IGF2BP3: variants seen among roughly 807,000 people sequenced by gnomAD.
The protein encoded by IGF2BP3 is insulin like growth factor 2 mRNA binding protein 3.
In IGF2BP3, 9 loss-of-function variants were observed where a neutral mutation model predicts 73.8. The ratio of observed to expected loss-of-function variants is 0.12; its 90% CI spans 0.07 to 0.21. The LOEUF (loss-of-function observed/expected upper bound fraction) is 0.21. Among genes scored for constraint, IGF2BP3 ranks in the 10% least tolerant of loss-of-function variants. IGF2BP3 has a pLI of 1.00. For missense variants in IGF2BP3, 542 were observed against 714.0 expected, an observed-to-expected ratio of 0.76 and a Z score of 2.75; for synonymous variants, 258 against 256.7, an observed-to-expected ratio of 1.01 and a Z score of -0.05.
chr7:23,422,441 G>A (rs1393823649), intron 2 of IGF2BP3, among the ~76,000 whole-genome samples: 2 of 152,134 alleles, frequency 1.3e-5, no homozygotes, highest in African/African-American at 4.8e-5. Flanking sequence ...CGTAGTCCTA[G>A]ATACTCAGGA....
At chr7:23,436,784 G>A (rs1318518923) in intron 2 of IGF2BP3, among the ~76,000 whole-genome samples, 2 of 152,136 alleles carry the variant, frequency 1.3e-5, no homozygotes, top group African/African-American at 2.4e-5. Flanking sequence ...AAGTACATTT[G>A]GATTTATTTT....
intron 10 of IGF2BP3, among the ~76,000 whole-genome samples, chr7:23,332,510 G>A (rs1286686285): frequency 1.3e-5 from 2 of 152,180 alleles, no homozygotes; most frequent in African/African-American, 4.8e-5. Context: ...AAGAAGACTT[G>A]CCTTCCTACT....
chr7:23,402,958 T>A (rs1383215941), intron 3 of IGF2BP3, among the ~76,000 whole-genome samples: 1 of 152,188 alleles, frequency 6.6e-6, no homozygotes, highest in Admixed American at 6.5e-5. Flanking sequence ...TACTAATATT[T>A]GATAGTCACA....
At chr7:23,372,451 A>G (rs1033882449) in intron 3 of IGF2BP3, among the ~76,000 whole-genome samples, 3 of 152,126 alleles carry the variant, frequency 2.0e-5, no homozygotes, top group Non-Finnish European at 4.4e-5. Flanking sequence ...TGTACCCAAC[A>G]TGTACTCTTT....
intron 3 of IGF2BP3, among the ~76,000 whole-genome samples, chr7:23,387,762 T>C (rs908544469): frequency 2.6e-5 from 4 of 152,148 alleles, no homozygotes; most frequent in Admixed American, 6.6e-5. Context: ...TGTGAATATC[T>C]CAATAAAGTT....
intron 3 of IGF2BP3, among the ~76,000 whole-genome samples, chr7:23,392,560 G>C (rs1446582847): frequency 6.6e-6 from 1 of 151,082 alleles, no homozygotes; most frequent in Non-Finnish European, 1.5e-5. Context: ...AACTATTAAT[G>C]ATAGTTAACT....
chr7:23,355,583 C>T lies in IGF2BP3; in HGVS notation c.402-3997G>A, dbSNP rs566609993. On this transcript the variant is annotated intron_variant, in intron 5 of 14. Coordinates refer to ENST00000258729, the MANE Select transcript of IGF2BP3 (RefSeq NM_006547.3). ...TTGCTCTTGGTGCTATTTTAAGGGT[C>T]GCTGAGAAGATGATGAGTAATTTTG... Among the ~76,000 whole-genome samples, 49 of 152,064 alleles carry T rather than the reference C, an allele frequency of 3.2e-4. No homozygotes were observed. In the South Asian group the frequency reaches 5.0e-3, roughly 16 times the overall value.
chr7:23,342,022 AT>A, intron 10 of IGF2BP3, 41 bp downstream of exon 10: 1 of 1,510,516 alleles, frequency 6.6e-7, no homozygotes, highest in Admixed American at 2.4e-5. Flanking sequence ...TTACATTAAG[AT>A]TTTGCCCAAT....
At chr7:23,428,033 G>A (rs541718613) in intron 2 of IGF2BP3, among the ~76,000 whole-genome samples, 5 of 151,782 alleles carry the variant, frequency 3.3e-5, no homozygotes, top group South Asian at 2.1e-4. Context: ...ATAATTAACC[G>A]GGTGTGGTGG....
At chr7:23,389,828 T>TTA (rs1554326644) in intron 3 of IGF2BP3, among the ~76,000 whole-genome samples, 3 of 108,414 alleles carry the variant, frequency 2.8e-5, no homozygotes, top group East Asian at 5.0e-4. Context: ...ATCCCTTCTG[T>TTA]AAAAAAAAAA....
chr7:23,371,294 A>G (rs1785535071), intron 3 of IGF2BP3, among the ~76,000 whole-genome samples: 1 of 152,104 alleles, frequency 6.6e-6, no homozygotes, highest in African/African-American at 2.4e-5. Context: ...AATCACCCTT[A>G]GCGCTAGGGA....
At position 23,319,464 on chromosome 7, in the gene IGF2BP3, C is replaced by CT. The variant is rs536432285; in HGVS notation, c.1204-211dup. Among the ~76,000 whole-genome samples the CT allele has an allele frequency of 4.6e-3, 705 of 152,282 alleles. 4 individuals carry two copies. Among genetic ancestry groups the CT allele is most frequent in the Non-Finnish European group, 7.0e-3 (475 of 68,034 alleles). On this transcript the variant is annotated intron_variant, in intron 10 of 14. Transcript: ENST00000258729. ...GAAAACAGTGGTATTTAAAATTTCACTTTTCTCTACTGTTGCCTTAAACTT... is the reference window on the plus strand; with the variant it reads ...GAAAACAGTGGTATTTAAAATTTCACTTTTTCTCTACTGTTGCCTTAAACTT...
chr7:23,338,071 T>C (rs1177591272), intron 10 of IGF2BP3, among the ~76,000 whole-genome samples: 1 of 152,134 alleles, frequency 6.6e-6, no homozygotes, highest in African/African-American at 2.4e-5. Flanking sequence ...CTGATACATG[T>C]AGTATGCCAA....
At chr7:23,391,219 C>A (rs1786266584) in intron 3 of IGF2BP3, among the ~76,000 whole-genome samples, 1 of 151,862 alleles carries the variant, frequency 6.6e-6, no homozygotes, top group African/African-American at 2.4e-5. Context: ...TGTGCCTCAG[C>A]CTCCTGAGTA....
chr7:23,433,151 C>T (rs1787728472), intron 2 of IGF2BP3, among the ~76,000 whole-genome samples: 1 of 152,100 alleles, frequency 6.6e-6, no homozygotes, highest in Admixed American at 6.5e-5. Context: ...GATATAAAAC[C>T]TCTAACATGC....
chr7:23,357,591 G>A (rs1244422498), intron 5 of IGF2BP3, among the ~76,000 whole-genome samples: 1 of 152,070 alleles, frequency 6.6e-6, no homozygotes, highest in East Asian at 1.9e-4. Flanking sequence ...CTCTGGAAGA[G>A]GGAAGGAAAT....
At chr7:23,436,682 G>T (rs1787815013) in intron 2 of IGF2BP3, among the ~76,000 whole-genome samples, 1 of 152,180 alleles carries the variant, frequency 6.6e-6, no homozygotes, top group African/African-American at 2.4e-5. Context: ...CATAACCTGA[G>T]ATGATATTAG....
chr7:23,351,679 T>C, intron 5 of IGF2BP3, 93 bp from the exon 6 acceptor site: 14 of 1,352,762 alleles, frequency 1.0e-5, no homozygotes, highest in Non-Finnish European at 1.4e-5. Context: ...TACTCAGCAT[T>C]ACTAGCTCTA....
At chr7:23,358,381 T>C (rs906985332) in intron 5 of IGF2BP3, among the ~76,000 whole-genome samples, 3 of 152,152 alleles carry the variant, frequency 2.0e-5, no homozygotes, top group African/African-American at 7.2e-5. Flanking sequence ...TTTGGGTGGC[T>C]ACCGAGAAAC....
Sources: gnomAD v4.1 joint callset for allele counts (sites outside exome capture counted in the v4.1 genomes callset) on GRCh38, gnomAD v4.1.1 for gene constraint, MANE v1.5 for transcripts, NCBI Gene and HGNC (gene_info 2026-07-23, HGNC 2026-07-21) for gene names.